TM9SF2: variants seen among roughly 807,000 people sequenced by gnomAD.
TM9SF2 encodes the protein 76 kDa membrane protein.
TM9SF2 carries 13 observed loss-of-function variants against 84.9 expected under a neutral mutation model. The observed-to-expected ratio is 0.15, with a 90% confidence interval of 0.10 to 0.24. TM9SF2 has a LOEUF of 0.24. Ranked by LOEUF, TM9SF2 falls within the 10% of genes least tolerant of loss-of-function variation. The pLI is 1.00. For synonymous variants in TM9SF2, 273 were observed against 285.8 expected (o/e 0.96, Z 0.45); for missense variants, 562 against 818.5 (o/e 0.69, Z 3.82).
chr13:99,534,507 A>G (rs910944990), intron 4 of TM9SF2, among the ~76,000 whole-genome samples: 2 of 152,252 alleles, frequency 1.3e-5, no homozygotes, highest in African/African-American at 4.8e-5. Context: ...AAAAATGCCA[A>G]CTTGTTAAAT....
intron 1 of TM9SF2, among the ~76,000 whole-genome samples, chr13:99,515,620 A>G (rs944734281): frequency 2.0e-5 from 3 of 152,202 alleles, no homozygotes; most frequent in Non-Finnish European, 4.4e-5. Flanking sequence ...GAATATTACT[A>G]AATTTATTTG....
chr13:99,559,428 T>A lies in TM9SF2; in HGVS notation c.1818T>A (p.Tyr606Ter). 6.2e-7 allele frequency: 1 copy of A among 1,614,032 alleles called. No homozygotes were observed. The highest frequency in any genetic ancestry group is 8.5e-7 in the Non-Finnish European group (1 of 1,179,942). Residue 606 changes from tyrosine (Y) to a stop codon, truncating the protein, a stop_gained, in exon 16 of 17, where the codon TAT becomes TAA. Transcript: ENST00000376387. LOFTEE classifies it high-confidence loss of function. ...TTACTGCAGTTTATTTCTTAATCTA[T>A]GCAGTACACTACTTCTTTTCAAAAC... ...SGFTAVYFLI[Y>*]AVHYFFSKLQ...
chr13:99,524,591 T>C (rs1436698546), intron 3 of TM9SF2, among the ~76,000 whole-genome samples: 1 of 151,780 alleles, frequency 6.6e-6, no homozygotes, highest in Non-Finnish European at 1.5e-5. Context: ...GAATCATCAG[T>C]GTATAGATGG....
chr13:99,556,436 G>A (rs766488097), intron 15 of TM9SF2, among the ~76,000 whole-genome samples: 1 of 152,156 alleles, frequency 6.6e-6, no homozygotes, highest in African/African-American at 2.4e-5. Context: ...CCAACGGTCT[G>A]CTTTCTGTCT....
intron 2 of TM9SF2, among the ~76,000 whole-genome samples, chr13:99,519,177 T>C (rs566625026): frequency 2.0e-4 from 30 of 152,302 alleles, no homozygotes; most frequent in African/African-American, 7.2e-4. Flanking sequence ...AATTATTGGA[T>C]ACTTAAATTT....
chr13:99,561,656 G>A (rs1029957270), intron 16 of TM9SF2, among the ~76,000 whole-genome samples: 7 of 152,178 alleles, frequency 4.6e-5, no homozygotes, highest in African/African-American at 1.7e-4. Flanking sequence ...CCACGGTAAT[G>A]TCCCATGTAT....
At chr13:99,549,507 G>C (rs1427956738) in intron 12 of TM9SF2, among the ~76,000 whole-genome samples, 2 of 152,092 alleles carry the variant, frequency 1.3e-5, no homozygotes, top group Non-Finnish European at 2.9e-5. Context: ...ATGTTGTTCT[G>C]TAGGCTGCAT....
At chr13:99,534,945 T>C (rs1401984642) in intron 4 of TM9SF2, among the ~76,000 whole-genome samples, 1 of 151,852 alleles carries the variant, frequency 6.6e-6, no homozygotes, top group African/African-American at 2.4e-5. Context: ...AGCCCAGGAG[T>C]TTGAGACCAG....
intron 12 of TM9SF2, among the ~76,000 whole-genome samples, chr13:99,551,539 G>A (rs2046305548): frequency 6.6e-6 from 1 of 152,226 alleles, no homozygotes; most frequent in South Asian, 2.1e-4. Flanking sequence ...CTTAAGCAGA[G>A]TGCACAAAGG....
chr13:99,541,638 A>T lies in TM9SF2; in HGVS notation c.988A>T (p.Ile330Phe). ...MIMLRTLHKD[I>F]ARYNQMDSTE... ...TATGTTACGGACACTGCACAAAGATATTGCTAGATATAATCAGATGGACTC... is the reference window on the plus strand; with the variant it reads ...TATGTTACGGACACTGCACAAAGATTTTGCTAGATATAATCAGATGGACTC... Residue 330 changes from isoleucine (I) to phenylalanine (F), a missense_variant, in exon 9 of 17, where the codon ATT becomes TTT. By Grantham distance (21) the Ile-to-Phe change is conservative. This residue lies in a region of TM9SF2 where 219 missense variants were observed against 338.1 expected (regional missense o/e 0.65). Transcript: ENST00000376387. The T allele has an allele frequency of 6.2e-7, 1 of 1,612,418 alleles. No individual in the cohort carries two copies. The highest frequency in any genetic ancestry group is 1.1e-5 in the South Asian group (1 of 90,958).
chr13:99,541,540 G>T lies in TM9SF2; in HGVS notation c.909-19G>T. 6.4e-7 allele frequency: 1 copy of T among 1,553,378 alleles called. No homozygotes were observed. The highest frequency in any genetic ancestry group is 1.1e-5 in the South Asian group (1 of 88,680). On this transcript the variant is annotated intron_variant, in intron 8 of 16. Coordinates refer to ENST00000376387, the MANE Select transcript of TM9SF2 (RefSeq NM_004800.3). ...TAGGATTAAGCTACAGATTACTCAT[G>T]ATGTGCTTATTTCTACAGCATTATG...
In TM9SF2 at chr13:99,501,606, C is replaced by T. The variant is rs1225784284; in HGVS notation, c.-1C>T. The T allele has an allele frequency of 3.1e-6, 5 of 1,612,280 alleles. No homozygotes were observed. The highest frequency in any genetic ancestry group is 4.2e-6 in the Non-Finnish European group (5 of 1,179,290). ...ATTGCCCTTTCCCCGAAACAACTAT[C>T]ATGAGCGCGAGGCTGCCGGTGTTGT... On this transcript the variant is annotated 5_prime_UTR_variant, in exon 1 of 17. Transcript: ENST00000376387.
chr13:99,511,545 G>A (rs112750273), intron 1 of TM9SF2, among the ~76,000 whole-genome samples: 36 of 152,202 alleles, frequency 2.4e-4, no homozygotes, highest in African/African-American at 8.0e-4. Flanking sequence ...GTAAATGGCT[G>A]TATTCTATAT....
intron 1 of TM9SF2, among the ~76,000 whole-genome samples, chr13:99,517,221 T>C (rs2046138627): frequency 6.6e-6 from 1 of 152,116 alleles, no homozygotes; most frequent in Non-Finnish European, 1.5e-5. Context: ...TCAAGTGATC[T>C]TCCTGCCTCA....
At chr13:99,524,386 T>C (rs895669547) in intron 3 of TM9SF2, among the ~76,000 whole-genome samples, 7 of 152,092 alleles carry the variant, frequency 4.6e-5, no homozygotes, top group African/African-American at 1.7e-4. Flanking sequence ...ATGTGGAGTG[T>C]GGAGTTTCTA....
chr13:99,552,561 G>A (rs1196678108), intron 13 of TM9SF2, among the ~76,000 whole-genome samples: 1 of 152,012 alleles, frequency 6.6e-6, no homozygotes, highest in East Asian at 1.9e-4. Context: ...AGATTAATTG[G>A]GAAAGAAATG....
chr13:99,547,894 C>T (rs577019577), intron 11 of TM9SF2, among the ~76,000 whole-genome samples: 1 of 152,224 alleles, frequency 6.6e-6, no homozygotes. Flanking sequence ...GTTGGGTAGT[C>T]TCAGCCCCCA....
intron 3 of TM9SF2, among the ~76,000 whole-genome samples, chr13:99,527,823 C>T (rs2139086421): frequency 6.6e-6 from 1 of 152,326 alleles, no homozygotes; most frequent in African/African-American, 2.4e-5. Context: ...ACACACGTTT[C>T]TGTATTTAAT....
chr13:99,524,489 T>A (rs1184943964), intron 3 of TM9SF2, among the ~76,000 whole-genome samples: 1 of 152,010 alleles, frequency 6.6e-6, no homozygotes, highest in Non-Finnish European at 1.5e-5. Flanking sequence ...GTTTATTAGG[T>A]GTCCAAGCAG....
Sources: gnomAD v4.1 joint callset for allele counts (sites outside exome capture counted in the v4.1 genomes callset) on GRCh38, gnomAD v4.1.1 for gene constraint, gnomAD v4.1.1 regional missense constraint, MANE v1.5 for transcripts, NCBI Gene and HGNC (gene_info 2026-07-23, HGNC 2026-07-21) for gene names.